RCAN2: variants seen among roughly 807,000 people sequenced by gnomAD.
RCAN2 encodes regulator of calcineurin 2, also known as calcipressin-2.
Under a neutral mutation model 23.6 loss-of-function variants are expected in RCAN2, and 9 were observed. The ratio of observed to expected loss-of-function variants is 0.38; its 90% CI spans 0.23 to 0.67. The LOEUF (loss-of-function observed/expected upper bound fraction) is 0.67. Ranked by LOEUF, RCAN2 falls within the 30% of genes least tolerant of loss-of-function variation. The pLI is 0.51. For synonymous variants in RCAN2, 109 were observed against 115.7 expected, an observed-to-expected ratio of 0.94 and a Z score of 0.37; for missense variants, 273 against 302.3, an observed-to-expected ratio of 0.90 and a Z score of 0.72.
At chr6:46,358,763 C>G (rs1441249985) in intron 2 of RCAN2, among the ~76,000 whole-genome samples, 1 of 152,178 alleles carries the variant, frequency 6.6e-6, no homozygotes, top group African/African-American at 2.4e-5. Context: ...TGGTCCTCAG[C>G]TCTGGCTGTA....
At chr6:46,456,319 G>C (rs935822883) in intron 2 of RCAN2, among the ~76,000 whole-genome samples, 4 of 152,166 alleles carry the variant, frequency 2.6e-5, no homozygotes, top group African/African-American at 7.2e-5. Flanking sequence ...GTTTAAGAAG[G>C]CTTTTTTAGA....
rs376618552 is a variant in RCAN2, at chr6:46,223,333, A to G, written c.572-32T>C. The G allele has an allele frequency of 3.5e-4, 556 of 1,602,672 alleles. 2 individuals are homozygous for G. The African/African-American group carries it at 5.8e-3, about 17-fold the overall frequency. On this transcript the variant is annotated intron_variant, in intron 4 of 4. Transcript: ENST00000371374. ...AGCAAGAAAAATGGAAGTGAGAAAG[A>G]GGGGGGGATTTCAAAAGAGATCCTG...
intron 1 of RCAN2, among the ~76,000 whole-genome samples, chr6:46,474,802 T>C (rs118072381): frequency 6.6e-6 from 1 of 152,220 alleles, no homozygotes; most frequent in East Asian, 1.9e-4. Context: ...AAAAGATAAA[T>C]TGAACACAAT....
intron 2 of RCAN2, among the ~76,000 whole-genome samples, chr6:46,334,340 A>C (rs1764075727): frequency 1.3e-5 from 2 of 152,180 alleles, no homozygotes; most frequent in Non-Finnish European, 2.9e-5. Context: ...GCCCCCAAAC[A>C]ACAAGGCCTG....
At chr6:46,392,759 T>A (rs1755208904) in intron 2 of RCAN2, among the ~76,000 whole-genome samples, 1 of 152,208 alleles carries the variant, frequency 6.6e-6, no homozygotes, top group Non-Finnish European at 1.5e-5. Context: ...AGTAGTGAAT[T>A]CTGTCACTGG....
intron 1 of RCAN2, among the ~76,000 whole-genome samples, chr6:46,475,764 G>A (rs1023927441): frequency 2.0e-5 from 3 of 152,142 alleles, no homozygotes; most frequent in Non-Finnish European, 2.9e-5. Context: ...GAAGTCAGGA[G>A]TTATGTTTAT....
intron 2 of RCAN2, among the ~76,000 whole-genome samples, chr6:46,398,843 G>T (rs1350546596): frequency 1.3e-5 from 2 of 150,972 alleles, no homozygotes; most frequent in East Asian, 3.9e-4. Context: ...CATATTAATG[G>T]GTGCATTATA....
At chr6:46,290,212 A>T (rs75272536) in intron 2 of RCAN2, among the ~76,000 whole-genome samples, 3,900 of 152,306 alleles carry the variant, frequency 0.026, 72 homozygotes, top group Non-Finnish European at 0.041. Flanking sequence ...CCTGTGCCCC[A>T]ATACAGGATT....
At chr6:46,276,860 C>T (rs1297859342) in intron 2 of RCAN2, among the ~76,000 whole-genome samples, 1 of 152,196 alleles carries the variant, frequency 6.6e-6, no homozygotes, top group Non-Finnish European at 1.5e-5. Flanking sequence ...GAGCAGCAAA[C>T]ATGTATGTCA....
intron 2 of RCAN2, among the ~76,000 whole-genome samples, chr6:46,387,065 C>G (rs978919131): frequency 6.6e-6 from 1 of 152,164 alleles, no homozygotes; most frequent in African/African-American, 2.4e-5. Context: ...AAAGTTGAAA[C>G]TGGATCCCTT....
intron 2 of RCAN2, among the ~76,000 whole-genome samples, chr6:46,434,935 G>A (rs1767326147): frequency 6.6e-6 from 1 of 152,204 alleles, no homozygotes; most frequent in Admixed American, 6.5e-5. Context: ...TAATTCTGAA[G>A]TGGAGAAACC....
intron 2 of RCAN2, among the ~76,000 whole-genome samples, chr6:46,272,407 T>A (rs1401366858): frequency 1.3e-5 from 2 of 152,204 alleles, no homozygotes; most frequent in African/African-American, 4.8e-5. Flanking sequence ...TAACAAGTTA[T>A]TGTGCTTCTT....
intron 1 of RCAN2, among the ~76,000 whole-genome samples, chr6:46,465,674 C>T (rs988890763): frequency 8.5e-5 from 13 of 152,178 alleles, no homozygotes; most frequent in Non-Finnish European, 1.9e-4. Context: ...TTTCTCTGAT[C>T]TCCTGCTGGT....
At chr6:46,370,624 C>T (rs1156845925) in intron 2 of RCAN2, among the ~76,000 whole-genome samples, 1 of 152,228 alleles carries the variant, frequency 6.6e-6, no homozygotes, top group Admixed American at 6.5e-5. Context: ...TTTGGCCCTA[C>T]AGGCAGTTAT....
intron 2 of RCAN2, among the ~76,000 whole-genome samples, chr6:46,299,927 A>T (rs1762850915): frequency 6.6e-6 from 1 of 151,940 alleles, no homozygotes. Flanking sequence ...TTATAAGGTG[A>T]TCATACCAAT....
At chr6:46,279,981 C>A (rs1180569827) in intron 2 of RCAN2, among the ~76,000 whole-genome samples, 1 of 152,172 alleles carries the variant, frequency 6.6e-6, no homozygotes, top group African/African-American at 2.4e-5. Flanking sequence ...TTGTTATCAT[C>A]CTTATTAATG....
intron 2 of RCAN2, among the ~76,000 whole-genome samples, chr6:46,366,040 T>TA (rs1010820514): frequency 1.3e-5 from 2 of 152,170 alleles, no homozygotes; most frequent in Non-Finnish European, 2.9e-5. Flanking sequence ...CTCAAGATTA[T>TA]ACAGCTAGAA....
At chr6:46,392,813 T>C (rs1582165542) in intron 2 of RCAN2, among the ~76,000 whole-genome samples, 1 of 152,254 alleles carries the variant, frequency 6.6e-6, no homozygotes, top group East Asian at 1.9e-4. Flanking sequence ...TTTAGGACAG[T>C]TGTAGAAAAT....
intron 2 of RCAN2, among the ~76,000 whole-genome samples, chr6:46,376,320 G>A (rs1446855007): frequency 6.6e-6 from 1 of 152,206 alleles, no homozygotes; most frequent in African/African-American, 2.4e-5. Context: ...AACCTAGAGT[G>A]TTGATAACAA....
Sources: allele counts gnomAD v4.1 joint callset (sites outside exome capture counted in the v4.1 genomes callset), GRCh38; gene constraint gnomAD v4.1.1; transcripts MANE v1.5; gene names NCBI Gene and HGNC (gene_info 2026-07-23, HGNC 2026-07-21).